TBC1D2: variants seen among roughly 807,000 people sequenced by gnomAD.
TBC1D2 encodes the protein TBC1 domain family member 2, also known as TBC1 domain family member 2A.
In TBC1D2, 58 loss-of-function variants were observed where a neutral mutation model predicts 91.1. The observed-to-expected ratio is 0.64, with a 90% CI of 0.52 to 0.79. TBC1D2 has a LOEUF of 0.79. TBC1D2 is among the 30% of genes least tolerant of loss of function. The pLI, the probability that TBC1D2 is intolerant of heterozygous loss-of-function variation, is 0.00. For missense variants in TBC1D2, 1,080 were observed against 1,208.3 expected (o/e 0.89, Z 1.57); for synonymous variants, 482 against 511.5 (o/e 0.94, Z 0.78).
At chr9:98,214,905 G>T (rs2119055032) in intron 6 of TBC1D2, among the ~76,000 whole-genome samples, 1 of 152,200 alleles carries the variant, frequency 6.6e-6, no homozygotes, top group East Asian at 1.9e-4. Context: ...GGCTCTCTGT[G>T]GTGCCCCAAC....
At chr9:98,227,434 C>T (rs1213923393) in intron 5 of TBC1D2, among the ~76,000 whole-genome samples, 1 of 152,128 alleles carries the variant, frequency 6.6e-6, no homozygotes, top group African/African-American at 2.4e-5. Flanking sequence ...TTTGAGAACT[C>T]TAATGTCTAA....
chr9:98,251,068 C>G (rs762625567), intron 2 of TBC1D2, among the ~76,000 whole-genome samples: 1 of 151,994 alleles, frequency 6.6e-6, no homozygotes, highest in East Asian at 1.9e-4. Context: ...GGGTAGATCA[C>G]GAGGTCAGGA....
chr9:98,216,012 A>C (rs7021760), intron 6 of TBC1D2, among the ~76,000 whole-genome samples: 94,492 of 152,082 alleles, frequency 0.62, 30,018 homozygotes, highest in African/African-American at 0.76. Flanking sequence ...AAGACGCTGG[A>C]GTTGGCCATG....
At chr9:98,207,906 G>T (rs1260283360) in intron 9 of TBC1D2, among the ~76,000 whole-genome samples, 1 of 152,192 alleles carries the variant, frequency 6.6e-6, no homozygotes, top group Non-Finnish European at 1.5e-5. Context: ...AGCTGCCTTG[G>T]CTTCCAATGA....
chr9:98,242,803 CTTTTTTTTTT>C lies in TBC1D2; in HGVS notation c.647+1181_647+1190del, dbSNP rs36035887. On this transcript the variant is annotated intron_variant, in intron 3 of 12. Transcript: ENST00000465784. ...TCCAAAGCCCAGGCCACACTGCTGC[CTTTTTTTTTT>C]TTTTTTTTTTTTTTTTTGAGACAGG... 2.0e-4 allele frequency among the ~76,000 whole-genome samples: 17 copies of C among 83,172 alleles called. 1 individual carries two copies. The highest frequency in any genetic ancestry group is 6.7e-3 in the Middle Eastern group (1 of 150). 54.6% of individuals were successfully genotyped at this position (83,172 alleles called of 152,430 possible).
At chr9:98,231,198 C>T (rs1158037889) in intron 4 of TBC1D2, among the ~76,000 whole-genome samples, 4 of 151,094 alleles carry the variant, frequency 2.6e-5, no homozygotes, top group Non-Finnish European at 5.9e-5. Context: ...CATAGGAGTG[C>T]CTCAAGGGCT....
At chr9:98,252,636 G>GAAACT (rs1274802352) in intron 1 of TBC1D2, among the ~76,000 whole-genome samples, 1 of 152,222 alleles carries the variant, frequency 6.6e-6, no homozygotes, top group African/African-American at 2.4e-5. Context: ...TACAGATGGA[G>GAAACT]AAACTAAACC....
In TBC1D2 at chr9:98,199,573, G is replaced by T; in HGVS notation, c.2595C>A (p.Ile865=). The T allele has an allele frequency of 6.2e-7, 1 of 1,614,044 alleles. No homozygotes were observed. The highest frequency in any genetic ancestry group is 8.5e-7 in the Non-Finnish European group (1 of 1,180,046). Reference sequence around the variant, plus strand: ...GGAAGGGGTTCATGTCATTGAAGGCGATGTTCATCAGCTTCCTGGGAGGAG... The same window carrying T: ...GGAAGGGGTTCATGTCATTGAAGGCTATGTTCATCAGCTTCCTGGGAGGAG... ...TISNSRKLMN[I]AFNDMNPFRM... The change falls in exon 13 of 13, where the codon ATC becomes ATA. Residue 865 remains isoleucine, a synonymous_variant. Transcript: ENST00000465784.
In TBC1D2 at chr9:98,209,110, C is replaced by T. The variant is rs768811594; in HGVS notation, c.1708G>A (p.Asp570Asn). 36 of 1,613,846 alleles carry T rather than the reference C, an allele frequency of 2.2e-5. No homozygotes were observed. The highest frequency in any genetic ancestry group is 5.0e-5 in the Admixed American group (3 of 59,992). ...AGCTTCAGGTCTTCCACCTCATAGT[C>T]GGGCACCGTCAGGAAGCCGTACTCA... Reference protein sequence around the residue: ...YDEYGFLTVPDYEVEDLKLLA... With the variant: ...YDEYGFLTVPNYEVEDLKLLA... The change falls in exon 9 of 13, where the codon GAC (aspartate) becomes AAC (asparagine). Residue 570 changes from aspartate (D) to asparagine (N), a missense_variant. Asp to Asn is a conservative substitution (Grantham distance 23). Coordinates refer to ENST00000465784, the MANE Select transcript of TBC1D2 (RefSeq NM_001267571.2).
intron 1 of TBC1D2, among the ~76,000 whole-genome samples, chr9:98,254,077 G>A (rs1724791626): frequency 6.6e-6 from 1 of 152,242 alleles, no homozygotes; most frequent in South Asian, 2.1e-4. Flanking sequence ...AAGTCCCCCA[G>A]CCTGGTCACC....
chr9:98,221,778 G>A (rs538751944), intron 5 of TBC1D2, among the ~76,000 whole-genome samples: 1 of 152,108 alleles, frequency 6.6e-6, no homozygotes, highest in African/African-American at 2.4e-5. Flanking sequence ...ACCCAGCCTG[G>A]AGTGCAGTGG....
chr9:98,242,488 C>T (rs1334667505), intron 3 of TBC1D2, among the ~76,000 whole-genome samples: 1 of 151,428 alleles, frequency 6.6e-6, no homozygotes, highest in Admixed American at 6.6e-5. Flanking sequence ...AAAGAAACGC[C>T]CAAACAGGAT....
chr9:98,250,772 C>T (rs567224601), intron 2 of TBC1D2, among the ~76,000 whole-genome samples: 1 of 152,262 alleles, frequency 6.6e-6, no homozygotes. Context: ...TGGCTTTGTA[C>T]TGGGACCTGA....
intron 9 of TBC1D2, among the ~76,000 whole-genome samples, chr9:98,206,955 G>A (rs1384784300): frequency 6.6e-6 from 1 of 152,210 alleles, no homozygotes; most frequent in African/African-American, 2.4e-5. Flanking sequence ...AAGAGGCTTT[G>A]CAGGTTTTGT....
At chr9:98,201,295 C>A (rs1472658948) in intron 11 of TBC1D2, among the ~76,000 whole-genome samples, 184 bp downstream of exon 11, 1 of 152,212 alleles carries the variant, frequency 6.6e-6, no homozygotes, top group East Asian at 1.9e-4. Context: ...CCCCCAACTT[C>A]AGAGGCAGAA....
chr9:98,224,431 C>A (rs1218167224), intron 5 of TBC1D2, among the ~76,000 whole-genome samples: 1 of 151,764 alleles, frequency 6.6e-6, no homozygotes, highest in Non-Finnish European at 1.5e-5. Context: ...TACAGGCATG[C>A]ACCACATTGC....
rs574117029 is a variant in TBC1D2, at chr9:98,235,280, A to G, written c.648-1731T>C. On this transcript the variant is annotated intron_variant, in intron 3 of 12. Coordinates refer to ENST00000465784, the MANE Select transcript of TBC1D2 (RefSeq NM_001267571.2). Reference sequence around the variant, plus strand: ...GTAGGAACTATATTGCTTAGGAGTCAACGCTATTGTTTACATAACAGATGG... The same window carrying G: ...GTAGGAACTATATTGCTTAGGAGTCGACGCTATTGTTTACATAACAGATGG... 6 of 365,700 alleles carry G rather than the reference A, an allele frequency of 1.6e-5. No individual in the cohort carries two copies. The East Asian group carries it at 4.1e-4, about 25-fold the overall frequency. 22.7% of individuals were successfully genotyped at this position (365,700 alleles called of 1,614,324 possible). A position where few individuals can be genotyped will look rare whatever the true frequency, so the allele number is the denominator to read the frequency against.
At chr9:98,247,006 C>T (rs10818676) in intron 2 of TBC1D2, among the ~76,000 whole-genome samples, 24,885 of 150,192 alleles carry the variant, frequency 0.17, 2,101 homozygotes, top group Admixed American at 0.18. Flanking sequence ...GAGGGTGTTG[C>T]GACCTGGTTG....
intron 2 of TBC1D2, among the ~76,000 whole-genome samples, chr9:98,247,994 G>C (rs745534962): frequency 6.6e-6 from 1 of 151,954 alleles, no homozygotes; most frequent in Non-Finnish European, 1.5e-5. Context: ...GATCAACTCT[G>C]AGACTACACA....
Sources: allele counts gnomAD v4.1 joint callset (sites outside exome capture counted in the v4.1 genomes callset), GRCh38; gene constraint gnomAD v4.1.1; transcripts MANE v1.5; gene names NCBI Gene and HGNC (gene_info 2026-07-23, HGNC 2026-07-21).